Variants in COL24A1 observed in about 807,000 individuals in gnomAD.
The protein encoded by COL24A1 is collagen type XXIV alpha 1 chain.
COL24A1 carries 224 observed loss-of-function variants against 253.9 expected under a neutral mutation model. The observed-to-expected ratio is 0.88, with a 90% CI of 0.79 to 0.99. The LOEUF is 0.99. Ranked by LOEUF, COL24A1 falls within the 50% of genes least tolerant of loss-of-function variation. The probability of loss-of-function intolerance (pLI) is 0.00; values close to 1 mark genes in which losing one functional copy is unlikely to be tolerated. For synonymous variants in COL24A1, 685 were observed against 673.7 expected, an observed-to-expected ratio of 1.02 and a Z score of -0.26; for missense variants, 2,131 against 2,068.5, an observed-to-expected ratio of 1.03 and a Z score of -0.59.
chr1:85,983,435 T>C (rs1010652911), intron 20 of COL24A1, among the ~76,000 whole-genome samples: 1 of 151,954 alleles, frequency 6.6e-6, no homozygotes, highest in Non-Finnish European at 1.5e-5. Context: ...CAAGTTTCCA[T>C]TCCTACTTTG....
At chr1:85,877,888 C>T (rs1230954480) in intron 32 of COL24A1, among the ~76,000 whole-genome samples, 1 of 152,110 alleles carries the variant, frequency 6.6e-6, no homozygotes, top group Non-Finnish European at 1.5e-5. Flanking sequence ...AACAAATTTG[C>T]ATCTTAAAGA....
intron 47 of COL24A1, among the ~76,000 whole-genome samples, chr1:85,798,978 GA>G: frequency 1.3e-5 from 2 of 152,192 alleles, no homozygotes; most frequent in South Asian, 4.1e-4. Context: ...CTAAATGACT[GA>G]GGTACTATGC....
At chr1:85,761,688 A>G in intron 53 of COL24A1, 122 bp from the exon 54 acceptor site, 1 of 914,544 alleles carries the variant, frequency 1.1e-6, no homozygotes, top group Admixed American at 2.2e-5. Flanking sequence ...ACAATTTAAA[A>G]TTGTTTTAGT....
intron 12 of COL24A1, among the ~76,000 whole-genome samples, chr1:86,040,476 C>CCTACA (rs1045476701): frequency 2.5e-5 from 3 of 118,026 alleles, no homozygotes; most frequent in Non-Finnish European, 5.0e-5. Context: ...TCCCCCCACC[C>CCTACA]CTACAAGGCT....
intron 28 of COL24A1, among the ~76,000 whole-genome samples, chr1:85,897,034 T>C (rs890816659): frequency 3.9e-5 from 6 of 152,232 alleles, no homozygotes; most frequent in African/African-American, 1.2e-4. Context: ...AATTTGTTCT[T>C]AATCAACTCT....
At chr1:86,128,823 A>T (rs1648715364) in intron 2 of COL24A1, among the ~76,000 whole-genome samples, 1 of 151,900 alleles carries the variant, frequency 6.6e-6, no homozygotes. Flanking sequence ...CTAAAATAAA[A>T]TCTTATTAGT....
At chr1:85,907,019 A>T (rs1684901195) in intron 28 of COL24A1, among the ~76,000 whole-genome samples, 175 bp downstream of exon 28, 1 of 151,728 alleles carries the variant, frequency 6.6e-6, no homozygotes, top group South Asian at 2.1e-4. Context: ...ACAAAAGATT[A>T]TGAGTTGTAT....
At chr1:85,907,156 TG>T (rs576391147) in intron 28 of COL24A1, 37 bp downstream of exon 28, 4 of 1,506,108 alleles carry the variant, frequency 2.7e-6, no homozygotes, top group Non-Finnish European at 3.7e-6. Context: ...GAAGTAATTT[TG>T]GGGGGGTTAA....
At position 85,888,587 on chromosome 1, in the gene COL24A1, T is replaced by A. The variant is rs12081976; in HGVS notation, c.2976+973A>T. 3.2e-3 allele frequency among the ~76,000 whole-genome samples: 481 copies of A among 152,080 alleles called. 2 individuals carry two copies. The highest frequency in any genetic ancestry group is 0.011 in the African/African-American group (457 of 41,528). On this transcript the variant is annotated intron_variant, in intron 32 of 59. Coordinates refer to ENST00000370571, the MANE Select transcript of COL24A1 (RefSeq NM_152890.7). ...TGCATTATTTTAGGTCAGATAAATA[T>A]CAGAATTGAAATGGCAGGTTAAGAT...
chr1:86,137,348 A>C (rs1650406670), intron 2 of COL24A1, among the ~76,000 whole-genome samples: 1 of 152,208 alleles, frequency 6.6e-6, no homozygotes, highest in Non-Finnish European at 1.5e-5. Context: ...TATTCTAAGA[A>C]CTTTAATATT....
chr1:85,926,693 G>C lies in COL24A1; in HGVS notation c.2563-15260C>G, dbSNP rs151241773. Among the ~76,000 whole-genome samples the C allele has an allele frequency of 1.8e-3, 269 of 152,212 alleles. 6 individuals carry two copies. The East Asian group carries it at 0.05, about 28-fold the overall frequency. ...GGGGTGAGGGGCAGGGGGAGGGATAGAATTAGGAGAAATACCTAATGTAAA... is the reference window on the plus strand; with the variant it reads ...GGGGTGAGGGGCAGGGGGAGGGATACAATTAGGAGAAATACCTAATGTAAA... On this transcript the variant is annotated intron_variant, in intron 24 of 59. Transcript: ENST00000370571.
At chr1:85,833,855 C>G (rs539634277) in intron 43 of COL24A1, among the ~76,000 whole-genome samples, 1 of 151,078 alleles carries the variant, frequency 6.6e-6, no homozygotes, top group Admixed American at 6.6e-5. Context: ...TCTCAGCAAA[C>G]TATGGCAAGG....
chr1:86,150,099 G>A (rs1013557813), intron 1 of COL24A1, among the ~76,000 whole-genome samples: 3 of 152,130 alleles, frequency 2.0e-5, no homozygotes, highest in African/African-American at 7.2e-5. Flanking sequence ...CCACTGGAAA[G>A]ACCTTGTATA....
intron 20 of COL24A1, among the ~76,000 whole-genome samples, chr1:85,976,133 A>G (rs1305300123): frequency 6.6e-6 from 1 of 152,158 alleles, no homozygotes; most frequent in Non-Finnish European, 1.5e-5. Context: ...CTGAGGGTGA[A>G]ACGGAACTGT....
intron 34 of COL24A1, 29 bp from the exon 35 acceptor site, chr1:85,874,731 C>A: frequency 1.2e-6 from 2 of 1,609,562 alleles, no homozygotes; most frequent in South Asian, 2.2e-5. Context: ...AGATTAAACT[C>A]TTTTCTACTA....
intron 24 of COL24A1, among the ~76,000 whole-genome samples, chr1:85,919,534 A>T (rs963675168): frequency 6.6e-6 from 1 of 152,210 alleles, no homozygotes; most frequent in African/African-American, 2.4e-5. Flanking sequence ...AAAATTAAAA[A>T]TTAGCTAGGT....
chr1:86,091,841 T>C (rs1331994149), intron 6 of COL24A1, among the ~76,000 whole-genome samples: 1 of 152,130 alleles, frequency 6.6e-6, no homozygotes, highest in Non-Finnish European at 1.5e-5. Flanking sequence ...TGGTGACCGC[T>C]TCTCTCACAG....
intron 39 of COL24A1, 149 bp downstream of exon 39, chr1:85,847,516 C>T (rs1247540033): frequency 3.6e-6 from 2 of 548,852 alleles, no homozygotes; most frequent in Non-Finnish European, 6.4e-6. Flanking sequence ...GGAATGCTTA[C>T]AATTCTCCAC....
Position 86,156,201 on chromosome 1 carries a change from T to C in COL24A1, c.56+140A>G, listed in dbSNP as rs1248979845. 9.2e-6 allele frequency: 6 copies of C among 655,034 alleles called. No homozygotes were observed. In the South Asian group the frequency reaches 1.0e-4, roughly 11 times the overall value. 40.6% of individuals were successfully genotyped at this position (655,034 alleles called of 1,614,324 possible). On this transcript the variant is annotated intron_variant, in intron 1 of 59. Transcript: ENST00000370571. Reference sequence around the variant, plus strand: ...GCAAGCTGAGAAGACAAGGGGAAGATACCGCGGGTACTCGGCCGCTCCTAA... The same window carrying C: ...GCAAGCTGAGAAGACAAGGGGAAGACACCGCGGGTACTCGGCCGCTCCTAA...
Sources: gnomAD v4.1 joint callset for allele counts (sites outside exome capture counted in the v4.1 genomes callset) on GRCh38, gnomAD v4.1.1 for gene constraint, MANE v1.5 for transcripts, NCBI Gene and HGNC (gene_info 2026-07-23, HGNC 2026-07-21) for gene names.